The following HTR1E variants were observed in gnomAD, a reference collection of about 807,000 sequenced individuals.
HTR1E encodes 5-HT-1E.
HTR1E carries 3 observed loss-of-function variants against 3.4 expected under a neutral mutation model. The observed-to-expected ratio is 0.89, with a 90% CI of 0.41 to 2.31. The LOEUF (loss-of-function observed/expected upper bound fraction) is 2.31, where lower values mean the gene tolerates loss of function less well. Ranked by LOEUF, HTR1E falls within the 30% of genes most tolerant of loss-of-function variation. The pLI, the probability that HTR1E is intolerant of heterozygous loss-of-function variation, is 0.05. For synonymous variants in HTR1E, 170 were observed against 182.8 expected (o/e 0.93, Z 0.56); for missense variants, 392 against 467.0 (o/e 0.84, Z 1.48).
At chr6:86,987,022 A>G (rs1767798812) in intron 1 of HTR1E, among the ~76,000 whole-genome samples, 1 of 152,210 alleles carries the variant, frequency 6.6e-6, no homozygotes, top group Non-Finnish European at 1.5e-5. Context: ...GGAAAGCAAA[A>G]CACATTTACT....
At chr6:86,999,062 C>A (rs1194141682) in intron 1 of HTR1E, among the ~76,000 whole-genome samples, 1 of 152,076 alleles carries the variant, frequency 6.6e-6, no homozygotes, top group Non-Finnish European at 1.5e-5. Flanking sequence ...TGGGTTCAAA[C>A]GATTCTCATA....
intron 1 of HTR1E, among the ~76,000 whole-genome samples, chr6:86,993,708 G>A (rs1767900315): frequency 1.3e-5 from 2 of 151,888 alleles, no homozygotes; most frequent in South Asian, 2.1e-4. Context: ...TGCTACAACA[G>A]AAGATTCAAA....
intron 1 of HTR1E, among the ~76,000 whole-genome samples, chr6:86,976,715 A>AT (rs1767644444): frequency 6.6e-6 from 1 of 152,200 alleles, no homozygotes; most frequent in African/African-American, 2.4e-5. Context: ...TCATCACGTC[A>AT]ATGTGTCTGA....
chr6:86,943,086 AT>A (rs1224203144), intron 1 of HTR1E, among the ~76,000 whole-genome samples: 1 of 152,238 alleles, frequency 6.6e-6, no homozygotes, highest in Non-Finnish European at 1.5e-5. Context: ...ATTAGCATGC[AT>A]TTAATTAACA....
intron 1 of HTR1E, among the ~76,000 whole-genome samples, chr6:87,011,599 A>G (rs543202801): frequency 2.0e-5 from 3 of 152,222 alleles, no homozygotes; most frequent in Admixed American, 6.5e-5. Context: ...AGATAACTCT[A>G]AGAATGCTAG....
intron 1 of HTR1E, among the ~76,000 whole-genome samples, chr6:86,942,813 T>C (rs1000983236): frequency 6.6e-6 from 1 of 152,222 alleles, no homozygotes; most frequent in Non-Finnish European, 1.5e-5. Context: ...AGAACCAGAC[T>C]GTACTGACCC....
At chr6:87,012,014 G>A (rs983369882) in intron 1 of HTR1E, among the ~76,000 whole-genome samples, 1 of 152,268 alleles carries the variant, frequency 6.6e-6, no homozygotes, top group Non-Finnish European at 1.5e-5. Context: ...TTTAAAAAGG[G>A]ATACATGCAT....
chr6:86,966,812 T>G (rs542224620), intron 1 of HTR1E, among the ~76,000 whole-genome samples: 1 of 152,170 alleles, frequency 6.6e-6, no homozygotes, highest in African/African-American at 2.4e-5. Context: ...CAAATGTGCG[T>G]TTTCATTACA....
At chr6:86,970,842 T>C (rs1297188212) in intron 1 of HTR1E, 3 of 244,910 alleles carry the variant, frequency 1.2e-5, no homozygotes, top group Non-Finnish European at 2.4e-5. Context: ...AAGCCTTCAG[T>C]TAACATACTG....
chr6:86,963,008 G>A (rs1023554365), intron 1 of HTR1E, among the ~76,000 whole-genome samples: 5 of 151,984 alleles, frequency 3.3e-5, no homozygotes, highest in East Asian at 1.9e-4. Flanking sequence ...GACAAACAGC[G>A]TTAGGCAGGT....
intron 1 of HTR1E, chr6:86,999,900 C>T (rs958738078): frequency 1.3e-5 from 2 of 152,222 alleles, no homozygotes; most frequent in Non-Finnish European, 2.9e-5. Flanking sequence ...TACACAAACA[C>T]CTGCCCATTA....
intron 1 of HTR1E, among the ~76,000 whole-genome samples, chr6:86,958,391 G>T (rs147988380): frequency 1.1e-3 from 172 of 152,204 alleles, no homozygotes; most frequent in Non-Finnish European, 1.6e-3. Flanking sequence ...TCCTCACAAT[G>T]ACCCCAAACA....
chr6:86,977,766 A>G (rs1020863852), intron 1 of HTR1E, among the ~76,000 whole-genome samples: 2 of 152,114 alleles, frequency 1.3e-5, no homozygotes, highest in African/African-American at 4.8e-5. Flanking sequence ...GTGAGATGGT[A>G]TCATATTGTG....
chr6:86,966,670 T>A (rs1767475773), intron 1 of HTR1E, among the ~76,000 whole-genome samples: 1 of 152,090 alleles, frequency 6.6e-6, no homozygotes, highest in Admixed American at 6.6e-5. Context: ...CTTGCTGACA[T>A]GTGTTTGTTG....
intron 1 of HTR1E, among the ~76,000 whole-genome samples, chr6:86,980,393 A>AAAAAAAAAAAG (rs781271747): frequency 2.7e-5 from 4 of 149,716 alleles, no homozygotes; most frequent in African/African-American, 5.0e-5. Flanking sequence ...TCTCAAAAAA[A>AAAAAAAAAAAG]AAAAAAAGAA....
intron 1 of HTR1E, among the ~76,000 whole-genome samples, chr6:86,980,648 T>C (rs942155561): frequency 2.6e-5 from 4 of 152,340 alleles, no homozygotes; most frequent in Admixed American, 1.3e-4. Flanking sequence ...TTTACGGATA[T>C]AAACAAATAC....
At chr6:86,997,226 A>C (rs1767952545) in intron 1 of HTR1E, among the ~76,000 whole-genome samples, 1 of 151,966 alleles carries the variant, frequency 6.6e-6, no homozygotes, top group Non-Finnish European at 1.5e-5. Context: ...CATGAAACCT[A>C]AAGTTAACAT....
At chr6:86,961,107 A>G (rs533680662) in intron 1 of HTR1E, among the ~76,000 whole-genome samples, 1 of 152,336 alleles carries the variant, frequency 6.6e-6, no homozygotes, top group Non-Finnish European at 1.5e-5. Flanking sequence ...TATATGCTTT[A>G]GTATTTTGGT....
In HTR1E at chr6:87,015,468, T is replaced by C. The variant is rs769884926; in HGVS notation, c.134T>C (p.Met45Thr). The change falls in exon 2 of 2, where the codon ATG (methionine) becomes ACG (threonine). Residue 45 changes from methionine to threonine, a missense_variant. Transcript: ENST00000305344. ...ACGTTGCTGAACTTGGCTGTGATCA[T>C]GGCTATTGGCACCACCAAGAAGCTC... ...LTTLLNLAVI[M>T]AIGTTKKLHQ... 6 of 1,613,950 alleles carry C rather than the reference T, an allele frequency of 3.7e-6. No homozygotes were observed. The African/African-American group carries it at 4.0e-5, about 11-fold the overall frequency.
Sources: allele counts gnomAD v4.1 joint callset (sites outside exome capture counted in the v4.1 genomes callset), GRCh38; gene constraint gnomAD v4.1.1; transcripts MANE v1.5; gene names NCBI Gene and HGNC (gene_info 2026-07-23, HGNC 2026-07-21).